Variants in CAMTA1 observed in about 807,000 individuals in gnomAD.
The protein encoded by CAMTA1 is calmodulin-binding transcription activator 1.
CAMTA1 carries 27 observed loss-of-function variants against 170.9 expected under a neutral mutation model. The observed-to-expected ratio is 0.16, with a 90% CI of 0.12 to 0.22. The LOEUF is 0.22. CAMTA1 is among the 10% of genes least tolerant of loss of function. The probability of loss-of-function intolerance (pLI) is 1.00; values close to 1 mark genes in which losing one functional copy is unlikely to be tolerated. For synonymous variants in CAMTA1, 833 were observed against 891.5 expected, an observed-to-expected ratio of 0.93 and a Z score of 1.17; for missense variants, 1,619 against 2,217.2, an observed-to-expected ratio of 0.73 and a Z score of 5.42.
intron 2 of CAMTA1, among the ~76,000 whole-genome samples, chr1:6,823,995 T>C (rs1324812123): frequency 6.6e-6 from 1 of 152,162 alleles, no homozygotes; most frequent in East Asian, 1.9e-4. Context: ...TTACCCAAGG[T>C]CACACAATTA....
intron 5 of CAMTA1, among the ~76,000 whole-genome samples, chr1:7,298,204 GA>G (rs1454793806): frequency 6.6e-6 from 1 of 152,128 alleles, no homozygotes; most frequent in African/African-American, 2.4e-5. Flanking sequence ...GGCTGAGTAC[GA>G]GGGTGGCCTT....
chr1:7,696,196 C>T (rs7546914), intron 11 of CAMTA1, among the ~76,000 whole-genome samples: 1 of 151,882 alleles, frequency 6.6e-6, no homozygotes, highest in African/African-American at 2.4e-5. Context: ...TTTGTTGTTG[C>T]TGTTTTGTTT....
Position 6,825,102 on chromosome 1 carries a change from G to T in CAMTA1, c.126G>T (p.Gly42=). Reference sequence around the variant, plus strand: ...TTTTCTTCTTTGTAGATGATCATGGGAACAGCAATAGTAGTCATGTAAAAA... The same window carrying T: ...TTTTCTTCTTTGTAGATGATCATGGTAACAGCAATAGTAGTCATGTAAAAA... The part of the protein sequence containing the change: ...NTVPPIEDDH[G]NSNSSHVKIF... Residue 42 remains glycine (G), a synonymous_variant, in exon 3 of 23, where the codon GGG becomes GGT. Coordinates refer to ENST00000303635, the MANE Select transcript of CAMTA1 (RefSeq NM_015215.4). 6.4e-7 allele frequency: 1 copy of T among 1,566,068 alleles called. No homozygotes were observed. Among genetic ancestry groups the T allele is most frequent in the South Asian group, 1.2e-5 (1 of 86,566 alleles).
chr1:7,173,033 G>C lies in CAMTA1; in HGVS notation c.303-76458G>C, dbSNP rs1215415697. Among the ~76,000 whole-genome samples the C allele has an allele frequency of 6.6e-6, 1 of 152,224 alleles. No individual in the cohort carries two copies. The highest frequency in any genetic ancestry group is 1.5e-5 in the Non-Finnish European group (1 of 68,042). Reference sequence around the variant, plus strand: ...TCCATCCATCCCGTGCTGGAGCGTGGCTGGGGACAGGCTGTGCGGGAGGCG... The same window carrying C: ...TCCATCCATCCCGTGCTGGAGCGTGCCTGGGGACAGGCTGTGCGGGAGGCG... On this transcript the variant is annotated intron_variant, in intron 4 of 22. Transcript: ENST00000303635. The surrounding 1 kb of genome is among the most constrained non-coding windows in gnomAD (Gnocchi z 5.4).
Position 6,785,511 on chromosome 1 carries a change from C to T in CAMTA1, c.-20C>T, listed in dbSNP as rs1336515065. ...GGTACGAGGCGCGCGCTCGGGGTCCCGGTCGCGAGGAGGAGGAGGATGTGG... is the reference window on the plus strand; with the variant it reads ...GGTACGAGGCGCGCGCTCGGGGTCCTGGTCGCGAGGAGGAGGAGGATGTGG... On this transcript the variant is annotated 5_prime_UTR_variant, in exon 1 of 23. Transcript: ENST00000303635. 8 of 1,042,622 alleles carry T rather than the reference C, an allele frequency of 7.7e-6. No individual in the cohort carries two copies. The African/African-American group carries it at 1.2e-4, about 16-fold the overall frequency. 64.6% of individuals were successfully genotyped at this position (1,042,622 alleles called of 1,614,324 possible). A position where few individuals can be genotyped will look rare whatever the true frequency, so the allele number is the denominator to read the frequency against.
At position 7,145,128 on chromosome 1, in the gene CAMTA1, A is replaced by T. The variant is rs575002670; in HGVS notation, c.302+53757A>T. Reference sequence around the variant, plus strand: ...GAGGGGCAGACTGAGTCCTCTATCCAGGGCCCTTCTCAAAGCCATCATGGA... The same window carrying T: ...GAGGGGCAGACTGAGTCCTCTATCCTGGGCCCTTCTCAAAGCCATCATGGA... On this transcript the variant is annotated intron_variant, in intron 4 of 22. Transcript: ENST00000303635. 2.6e-5 allele frequency among the ~76,000 whole-genome samples: 4 copies of T among 152,288 alleles called. No homozygotes were observed. The South Asian group carries it at 8.3e-4, about 32-fold the overall frequency.
At chr1:7,512,464 C>T (rs972690339) in intron 6 of CAMTA1, among the ~76,000 whole-genome samples, 5 of 152,156 alleles carry the variant, frequency 3.3e-5, no homozygotes, top group East Asian at 1.9e-4. Flanking sequence ...GGAATCTCAG[C>T]GGCTGACAGG....
rs372413249 is a variant in CAMTA1, at chr1:7,367,461, G to T, written c.439-100369G>T. ...GGTGGTTGCACATTGCATGGGTGAG[G>T]CCGGCTCAGCAGGTGGAGCTGAACA... is the stretch of plus-strand genomic sequence containing the variant. On this transcript the variant is annotated intron_variant, in intron 5 of 22. Transcript: ENST00000303635. 2.6e-5 allele frequency among the ~76,000 whole-genome samples: 4 copies of T among 152,330 alleles called. No homozygotes were observed. The East Asian group carries it at 5.8e-4, about 22-fold the overall frequency.
intron 3 of CAMTA1, among the ~76,000 whole-genome samples, chr1:6,855,108 A>G (rs1485735266): frequency 6.6e-6 from 1 of 152,074 alleles, no homozygotes; most frequent in East Asian, 1.9e-4. Flanking sequence ...ATTAAAAAAA[A>G]CCTCTTTATA....
rs879137711 is a variant in CAMTA1, at chr1:7,720,811, G to T, written c.2915-11637G>T. Among the ~76,000 whole-genome samples the T allele has an allele frequency of 2.6e-5, 4 of 152,188 alleles. No homozygotes were observed. In the South Asian group the frequency reaches 8.3e-4, roughly 32 times the overall value. On this transcript the variant is annotated intron_variant, in intron 11 of 22. Coordinates refer to ENST00000303635, the MANE Select transcript of CAMTA1 (RefSeq NM_015215.4). ...CTTCCAGAGTCTTCACTGTAGCTGC[G>T]TGGTTTCCTTCCCTGAGCTTAAAGC...
chr1:7,220,189 A>C (rs558677977), intron 4 of CAMTA1, among the ~76,000 whole-genome samples: 6 of 152,292 alleles, frequency 3.9e-5, no homozygotes, highest in African/African-American at 1.4e-4. Flanking sequence ...GGAATGCGCC[A>C]CGCCTGACTC....
intron 8 of CAMTA1, among the ~76,000 whole-genome samples, chr1:7,662,965 C>A (rs746514083): frequency 1.2e-4 from 18 of 152,184 alleles, no homozygotes; most frequent in Non-Finnish European, 2.1e-4. Flanking sequence ...CCAGGCTGAT[C>A]CCCTCTTGCC....
intron 3 of CAMTA1, among the ~76,000 whole-genome samples, chr1:7,013,916 G>C (rs947774937): frequency 6.6e-6 from 1 of 152,238 alleles, no homozygotes; most frequent in East Asian, 1.9e-4. Flanking sequence ...AGCCAGCTGA[G>C]AGCCTCCTCC....
rs951517484 is a variant in CAMTA1 at position 7,547,465 on chromosome 1, A to T, written c.510+79564A>T. On this transcript the variant is annotated intron_variant, in intron 6 of 22. Transcript: ENST00000303635. The surrounding 1 kb of genome is among the most constrained non-coding windows in gnomAD (Gnocchi z 5.7). ...AACGGGCCAAAAATATCCAGGAAAA[A>T]AATTGCATTTGTACCAAACATATTT... 5.9e-5 allele frequency among the ~76,000 whole-genome samples: 9 copies of T among 152,150 alleles called. No homozygotes were observed. The highest frequency in any genetic ancestry group is 5.9e-4 in the Admixed American group (9 of 15,276).
At chr1:7,388,757 C>G (rs1425271869) in intron 5 of CAMTA1, among the ~76,000 whole-genome samples, 11 of 152,338 alleles carry the variant, frequency 7.2e-5, no homozygotes, top group African/African-American at 2.6e-4. Context: ...CCCATCTCCA[C>G]TTGGAGTTAC....
chr1:6,815,779 G>T (rs918326974), intron 1 of CAMTA1, among the ~76,000 whole-genome samples: 6 of 152,152 alleles, frequency 3.9e-5, no homozygotes. Context: ...TGCAGCATGG[G>T]CATCACCTGG....
chr1:7,369,419 A>G (rs770291363), intron 5 of CAMTA1, among the ~76,000 whole-genome samples: 1 of 152,062 alleles, frequency 6.6e-6, no homozygotes, highest in African/African-American at 2.4e-5. Flanking sequence ...GGGCAGGACC[A>G]CTCTGTGGTT....
intron 4 of CAMTA1, chr1:7,219,464 A>G (rs1384574162): frequency 6.8e-6 from 1 of 147,124 alleles, no homozygotes; most frequent in African/African-American, 2.5e-5. Context: ...GATTTCCCCA[A>G]ATGTGGGAAA....
chr1:7,639,000 A>G (rs2095738587), intron 6 of CAMTA1, among the ~76,000 whole-genome samples: 1 of 152,070 alleles, frequency 6.6e-6, no homozygotes, highest in African/African-American at 2.4e-5. Flanking sequence ...TATTTTTGAG[A>G]CAGAGTCTCG....
Sources: gnomAD v4.1 joint callset for allele counts (sites outside exome capture counted in the v4.1 genomes callset) on GRCh38, gnomAD v4.1.1 for gene constraint, Gnocchi (gnomAD v3.1) non-coding constraint, MANE v1.5 for transcripts, NCBI Gene and HGNC (gene_info 2026-07-23, HGNC 2026-07-21) for gene names.